Variants in THSD4 observed in about 807,000 individuals in gnomAD.
THSD4 encodes thrombospondin type-1 domain-containing protein 4.
THSD4 carries 69 observed loss-of-function variants against 119.0 expected under a neutral mutation model. The ratio of observed to expected loss-of-function variants is 0.58; its 90% CI spans 0.48 to 0.71. The LOEUF (loss-of-function observed/expected upper bound fraction) is 0.71. Among genes scored for constraint, THSD4 ranks in the 30% least tolerant of loss-of-function variants. THSD4 has a pLI of 0.00. For synonymous variants in THSD4, 524 were observed against 540.4 expected (o/e 0.97, Z 0.42); for missense variants, 1,393 against 1,391.1 (o/e 1.00, Z -0.02).
intron 8 of THSD4, among the ~76,000 whole-genome samples, chr15:71,675,694 G>T (rs146490767): frequency 7.9e-4 from 121 of 152,288 alleles, no homozygotes; most frequent in Non-Finnish European, 1.5e-3. Flanking sequence ...ACTCACACAA[G>T]GTGGGAACTA....
chr15:71,667,285 A>G (rs2051435895), intron 8 of THSD4, among the ~76,000 whole-genome samples: 2 of 152,208 alleles, frequency 1.3e-5, no homozygotes, highest in Admixed American at 1.3e-4. Context: ...AATGATTGAC[A>G]TTTTGTATTA....
intron 6 of THSD4, among the ~76,000 whole-genome samples, chr15:71,328,573 C>G (rs976737574): frequency 6.6e-6 from 1 of 152,178 alleles, no homozygotes; most frequent in Non-Finnish European, 1.5e-5. Context: ...TGATAATGCC[C>G]CCCTCTCCAG....
chr15:71,312,386 A>G (rs1449052655), intron 6 of THSD4, among the ~76,000 whole-genome samples: 2 of 152,040 alleles, frequency 1.3e-5, no homozygotes, highest in African/African-American at 2.4e-5. Flanking sequence ...TGAGGCTGCC[A>G]GGGTGGGTCT....
chr15:71,196,412 G>A (rs1182900288), intron 3 of THSD4, among the ~76,000 whole-genome samples: 2 of 152,244 alleles, frequency 1.3e-5, no homozygotes, highest in South Asian at 4.1e-4. Context: ...AGAACTGTAC[G>A]ATCCAAATTA....
At chr15:71,343,232 G>A (rs2045606001) in intron 6 of THSD4, among the ~76,000 whole-genome samples, 1 of 152,084 alleles carries the variant, frequency 6.6e-6, no homozygotes, top group African/African-American at 2.4e-5. Flanking sequence ...AGGTAGGTAG[G>A]TAGATAGATG....
intron 3 of THSD4, among the ~76,000 whole-genome samples, chr15:71,174,041 A>C (rs1017261514): frequency 6.6e-6 from 1 of 152,224 alleles, no homozygotes; most frequent in African/African-American, 2.4e-5. Flanking sequence ...GATTTCTTGG[A>C]TATGACACCA....
At chr15:71,775,504 G>A (rs1340496780) in intron 17 of THSD4, among the ~76,000 whole-genome samples, 1 of 151,974 alleles carries the variant, frequency 6.6e-6, no homozygotes, top group Non-Finnish European at 1.5e-5. Flanking sequence ...GAGCTGGAGT[G>A]GGAGACCAGC....
In THSD4 at chr15:71,399,596, C is replaced by G. The variant is rs376440202; in HGVS notation, c.1016-12091C>G. ...TTTATGTTAGCTATGGCAGTGCATT[C>G]CCAGGGTGTCAGCTAGTAGGCTGGT... On this transcript the variant is annotated intron_variant, in intron 6 of 17. Coordinates refer to ENST00000261862, the MANE Select transcript of THSD4 (RefSeq NM_024817.3). Among the ~76,000 whole-genome samples, 49 of 152,318 alleles carry G rather than the reference C, an allele frequency of 3.2e-4. No homozygotes were observed. In the South Asian group the frequency reaches 9.9e-3, roughly 31 times the overall value.
intron 15 of THSD4, among the ~76,000 whole-genome samples, chr15:71,758,918 A>G (rs376708127): frequency 6.6e-6 from 1 of 152,204 alleles, no homozygotes; most frequent in East Asian, 1.9e-4. Context: ...AACCATAAAA[A>G]TGTTCCTTTG....
chr15:71,713,137 T>C (rs967436119), intron 8 of THSD4, among the ~76,000 whole-genome samples: 1 of 152,220 alleles, frequency 6.6e-6, no homozygotes, highest in African/African-American at 2.4e-5. Context: ...TAGAAAACAG[T>C]GACTGGAATC....
At position 71,682,918 on chromosome 15, in the gene THSD4, T is replaced by C. The variant is rs1304259779; in HGVS notation, c.1357+22184T>C. On this transcript the variant is annotated intron_variant, in intron 8 of 17. Transcript: ENST00000261862. ...TTTCTTTCTTTCTTTCTTCTTCTTC[T>C]TCTTTTTTTTTTTTTTTTTTTGAGT... Among the ~76,000 whole-genome samples, 301 of 90,266 alleles carry C rather than the reference T, an allele frequency of 3.3e-3. 18 individuals carry two copies. The highest frequency in any genetic ancestry group is 0.012 in the Middle Eastern group (2 of 168). 59.2% of individuals were successfully genotyped at this position (90,266 alleles called of 152,430 possible).
intron 2 of THSD4, among the ~76,000 whole-genome samples, chr15:71,148,407 G>C (rs943761255): frequency 1.3e-5 from 2 of 152,248 alleles, no homozygotes; most frequent in African/African-American, 4.8e-5. Flanking sequence ...TCCACCTTGG[G>C]CTGCACAAAT....
chr15:71,446,806 T>C (rs1328730308), intron 7 of THSD4, among the ~76,000 whole-genome samples: 1 of 152,150 alleles, frequency 6.6e-6, no homozygotes, highest in Non-Finnish European at 1.5e-5. Flanking sequence ...TCTGAGCATC[T>C]CGGGAAGACA....
chr15:71,592,149 G>C (rs528878908), intron 7 of THSD4, among the ~76,000 whole-genome samples: 209 of 152,330 alleles, frequency 1.4e-3, no homozygotes, highest in Non-Finnish European at 2.5e-3. Flanking sequence ...CAGTAACATT[G>C]AAAGAGAAAA....
At chr15:71,525,781 A>G (rs910343364) in intron 7 of THSD4, among the ~76,000 whole-genome samples, 6 of 152,166 alleles carry the variant, frequency 3.9e-5, no homozygotes, top group South Asian at 4.1e-4. Flanking sequence ...TCTCATCTCA[A>G]TGGTCTCACA....
At chr15:71,387,037 C>T (rs2140461429) in intron 6 of THSD4, among the ~76,000 whole-genome samples, 1 of 152,150 alleles carries the variant, frequency 6.6e-6, no homozygotes, top group Non-Finnish European at 1.5e-5. Flanking sequence ...TTTTTCTTTT[C>T]TGGTCTCTAG....
rs1462118214 is a variant in THSD4, at chr15:71,780,819, T to C, written c.*3445T>C. The C allele has an allele frequency of 2.2e-6, 1 of 455,978 alleles. No individual in the cohort carries two copies. The highest frequency in any genetic ancestry group is 4.4e-6 in the Non-Finnish European group (1 of 226,678). The allele number at this position is 455,978 out of a possible 1,614,324, so 28.2% of individuals were successfully genotyped here. ...TCAAAGTATTTAGCATTCAACACTCTTTTTGCTTTAAAAAGAATGGCCTTA... is the reference window on the plus strand; with the variant it reads ...TCAAAGTATTTAGCATTCAACACTCCTTTTGCTTTAAAAAGAATGGCCTTA... On this transcript the variant is annotated 3_prime_UTR_variant, in exon 18 of 18. Transcript: ENST00000261862.
intron 7 of THSD4, among the ~76,000 whole-genome samples, chr15:71,643,507 T>C (rs1407644822): frequency 3.3e-5 from 5 of 152,170 alleles, no homozygotes; most frequent in Non-Finnish European, 7.3e-5. Context: ...TTCCCCTCTA[T>C]GTGTCCATGT....
chr15:71,648,682 T>A (rs1030073390), intron 7 of THSD4, among the ~76,000 whole-genome samples: 14 of 152,188 alleles, frequency 9.2e-5, no homozygotes, highest in Admixed American at 2.0e-4. Flanking sequence ...GAGAATCATG[T>A]GAAAAGAAAG....
Sources: gnomAD v4.1 joint callset for allele counts (sites outside exome capture counted in the v4.1 genomes callset) on GRCh38, gnomAD v4.1.1 for gene constraint, MANE v1.5 for transcripts, NCBI Gene and HGNC (gene_info 2026-07-23, HGNC 2026-07-21) for gene names.